Variants in CMIP observed in about 807,000 individuals in gnomAD.
The protein encoded by CMIP is C-Maf-inducing protein.
Under a neutral mutation model 97.3 loss-of-function variants are expected in CMIP, and 13 were observed. That is an observed-to-expected ratio of 0.13 (90% CI 0.09 to 0.21). The LOEUF (loss-of-function observed/expected upper bound fraction) is 0.21, where lower values mean the gene tolerates loss of function less well. Among genes scored for constraint, CMIP ranks in the 10% least tolerant of loss-of-function variants. CMIP has a pLI of 1.00. For missense variants in CMIP, 847 were observed against 1,024.9 expected, an observed-to-expected ratio of 0.83 and a Z score of 2.37; for synonymous variants, 538 against 436.3, an observed-to-expected ratio of 1.23 and a Z score of -2.91.
At chr16:81,576,120 G>C (rs1345703467) in intron 1 of CMIP, among the ~76,000 whole-genome samples, 1 of 151,838 alleles carries the variant, frequency 6.6e-6, no homozygotes, top group Non-Finnish European at 1.5e-5. Flanking sequence ...AGAAAAGAAT[G>C]CGTCTAGGCG....
chr16:81,477,101 T>C (rs1907972244), intron 1 of CMIP, among the ~76,000 whole-genome samples: 1 of 152,114 alleles, frequency 6.6e-6, no homozygotes, highest in African/African-American at 2.4e-5. Flanking sequence ...AAATGGCAGC[T>C]GGTTGTGTCT....
intron 14 of CMIP, among the ~76,000 whole-genome samples, chr16:81,698,666 A>G (rs924351963): frequency 3.9e-5 from 6 of 152,210 alleles, no homozygotes; most frequent in Non-Finnish European, 8.8e-5. Context: ...AGTCACACTG[A>G]AGACATTCAT....
intron 1 of CMIP, among the ~76,000 whole-genome samples, chr16:81,577,154 C>T (rs200689170): frequency 1.3e-5 from 1 of 79,480 alleles, no homozygotes; most frequent in African/African-American, 3.1e-5. Flanking sequence ...CCATCATCCC[C>T]ATTACCACTA....
chr16:81,610,551 C>T, intron 2 of CMIP: 1 of 985,122 alleles, frequency 1.0e-6, no homozygotes, highest in African/African-American at 1.7e-5. Flanking sequence ...GTGGGTGCAG[C>T]CCCTGCCCCT....
intron 1 of CMIP, among the ~76,000 whole-genome samples, chr16:81,529,767 C>T (rs2090197362): frequency 6.6e-6 from 1 of 152,190 alleles, no homozygotes; most frequent in East Asian, 1.9e-4. Context: ...AAGGAGCCAC[C>T]AGCCAAGGAA....
chr16:81,678,576 G>A lies in CMIP; in HGVS notation c.1336G>A (p.Gly446Ser), dbSNP rs1009366908. ...CTGCAGCACCATGAGCATCGAGCTG[G>A]GCCCCCAGGCCGACCGCACGCTCGG... is the stretch of plus-strand genomic sequence containing the variant. The part of the protein sequence containing the change: ...PACSTMSIEL[G>S]PQADRTLGCY... Residue 446 changes from glycine to serine, a missense_variant, in exon 10 of 21, where the codon GGC (glycine) becomes AGC (serine). By Grantham distance (56) the Gly-to-Ser change is moderately conservative. Transcript: ENST00000537098. 3.1e-6 allele frequency: 5 copies of A among 1,606,048 alleles called. No individual in the cohort carries two copies. Among genetic ancestry groups the A allele is most frequent in the Non-Finnish European group, 4.2e-6 (5 of 1,176,806 alleles).
At chr16:81,584,294 C>T (rs979090711) in intron 1 of CMIP, among the ~76,000 whole-genome samples, 21 of 152,230 alleles carry the variant, frequency 1.4e-4, no homozygotes, top group African/African-American at 3.4e-4. Flanking sequence ...ACAATGTGTC[C>T]GTAACACCTA....
intron 1 of CMIP, among the ~76,000 whole-genome samples, chr16:81,559,761 A>G (rs2090840240): frequency 6.6e-6 from 1 of 152,188 alleles, no homozygotes. Flanking sequence ...TCTACTGTAC[A>G]TTTTATTGTT....
intron 1 of CMIP, among the ~76,000 whole-genome samples, chr16:81,534,662 A>G (rs2090307245): frequency 1.3e-5 from 2 of 152,148 alleles, no homozygotes; most frequent in South Asian, 2.1e-4. Flanking sequence ...AAACAAAACT[A>G]TAGAACTGTA....
Position 81,510,841 on chromosome 16 carries a change from T to A in CMIP, c.300+65300T>A, listed in dbSNP as rs545056083. On this transcript the variant is annotated intron_variant, in intron 1 of 20. Transcript: ENST00000537098. ...TTCAAGCAATTCTCCTGCCTTAGCC[T>A]CCTGAGTAGCTGGGACTACAGGTGC... Among the ~76,000 whole-genome samples the A allele has an allele frequency of 1.1e-4, 17 of 152,276 alleles. No individual in the cohort carries two copies. The South Asian group carries it at 3.3e-3, about 30-fold the overall frequency.
chr16:81,480,658 G>C (rs963918208), intron 1 of CMIP, among the ~76,000 whole-genome samples: 3 of 152,218 alleles, frequency 2.0e-5, no homozygotes, highest in Admixed American at 1.3e-4. Context: ...TTATGTGTTT[G>C]CTATGGGGTA....
At chr16:81,482,435 G>A (rs1464758246) in intron 1 of CMIP, among the ~76,000 whole-genome samples, 2 of 152,148 alleles carry the variant, frequency 1.3e-5, no homozygotes, top group African/African-American at 4.8e-5. Context: ...GGTGCTGGGC[G>A]CCTAAGTACC....
intron 7 of CMIP, 84 bp downstream of exon 7, chr16:81,664,433 A>T: frequency 1.5e-6 from 2 of 1,333,400 alleles, no homozygotes; most frequent in African/African-American, 2.9e-5. Context: ...GCGTTGGCAC[A>T]GATTTGGGGA....
At chr16:81,571,287 T>C (rs2091082836) in intron 1 of CMIP, among the ~76,000 whole-genome samples, 1 of 151,846 alleles carries the variant, frequency 6.6e-6, no homozygotes, top group Admixed American at 6.6e-5. Context: ...TTGGGCAACA[T>C]AGTGAGACCC....
intron 6 of CMIP, among the ~76,000 whole-genome samples, chr16:81,662,064 T>C (rs1377840872): frequency 6.6e-6 from 1 of 152,176 alleles, no homozygotes; most frequent in Non-Finnish European, 1.5e-5. Context: ...ACAAGGGCCT[T>C]GTCTGCCTCC....
intron 1 of CMIP, among the ~76,000 whole-genome samples, chr16:81,537,732 C>T (rs2150833659): frequency 7.2e-6 from 1 of 139,460 alleles, no homozygotes; most frequent in East Asian, 2.3e-4. Context: ...AAGAAATGCC[C>T]CAAATGGGAG....
intron 1 of CMIP, among the ~76,000 whole-genome samples, chr16:81,454,381 T>C (rs897811285): frequency 3.0e-4 from 45 of 152,196 alleles, no homozygotes; most frequent in African/African-American, 1.1e-3. Flanking sequence ...TGTGGGTCCA[T>C]CAATGTATAT....
intron 15 of CMIP, among the ~76,000 whole-genome samples, chr16:81,701,413 C>G (rs1336162021): frequency 6.6e-6 from 1 of 152,216 alleles, no homozygotes. Context: ...GCACGGTAAG[C>G]AGATGCCTGG....
chr16:81,488,732 C>A (rs553729885), intron 1 of CMIP, among the ~76,000 whole-genome samples: 2 of 152,268 alleles, frequency 1.3e-5, no homozygotes, highest in African/African-American at 2.4e-5. Context: ...GGCACAGAAC[C>A]TCTGTACTCC....
Sources: gnomAD v4.1 joint callset for allele counts (sites outside exome capture counted in the v4.1 genomes callset) on GRCh38, gnomAD v4.1.1 for gene constraint, MANE v1.5 for transcripts, NCBI Gene and HGNC (gene_info 2026-07-23, HGNC 2026-07-21) for gene names.